The following TTC7A variants were observed in gnomAD, a reference collection of about 807,000 sequenced individuals.
TTC7A encodes tetratricopeptide repeat protein 7A.
A neutral mutation model predicts 103.7 loss-of-function variants in TTC7A; 110 were observed. The ratio of observed to expected loss-of-function variants is 1.06; its 90% CI spans 0.91 to 1.24. The LOEUF (loss-of-function observed/expected upper bound fraction) is 1.24. Ranked by LOEUF, TTC7A falls within the 50% of genes most tolerant of loss-of-function variation. The pLI, the probability that TTC7A is intolerant of heterozygous loss-of-function variation, is 0.00. For missense variants in TTC7A, 1,340 were observed against 1,116.3 expected (o/e 1.20, Z -2.86); for synonymous variants, 521 against 467.9 (o/e 1.11, Z -1.47).
At chr2:46,940,866 AT>A (rs1670271451), upstream of TTC7A, among the ~76,000 whole-genome samples, 1 of 151,810 alleles carries the variant, frequency 6.6e-6, no homozygotes, top group African/African-American at 2.4e-5. This position sits in a 1 kb window ranked among gnomAD's most constrained non-coding sequence, Gnocchi z 4.7. Context: ...GCCTCTCCCC[AT>A]TTTTGTGACG....
At chr2:47,010,490 G>A (rs998121231) in intron 10 of TTC7A, among the ~76,000 whole-genome samples, 3 of 152,082 alleles carry the variant, frequency 2.0e-5, no homozygotes, top group Non-Finnish European at 4.4e-5. Flanking sequence ...TCTGGCTGTG[G>A]CTGCCCCGCC....
At chr2:46,997,774 G>A (rs1412954841) in intron 8 of TTC7A, among the ~76,000 whole-genome samples, 2 of 152,164 alleles carry the variant, frequency 1.3e-5, no homozygotes, top group African/African-American at 4.8e-5. Flanking sequence ...GGTGAGGATG[G>A]TCATAATTTT....
At position 47,073,748 on chromosome 2, in the gene TTC7A, T is replaced by C. The variant is rs1182655046; in HGVS notation, c.2402T>C (p.Val801Ala). The C allele has an allele frequency of 1.2e-6, 2 of 1,613,588 alleles. No individual in the cohort carries two copies. Among genetic ancestry groups the C allele is most frequent in the Non-Finnish European group, 1.7e-6 (2 of 1,180,016 alleles). The change falls in exon 20 of 20, where the codon GTG (valine) becomes GCG (alanine). Residue 801 changes from valine to alanine, a missense_variant. Val to Ala is a moderately conservative substitution (Grantham distance 64). Coordinates refer to ENST00000319190, the MANE Select transcript of TTC7A (RefSeq NM_020458.4). ...GGCCACAAGAGCTTGGCCCAGAAGG[T>C]GCTTCGTGATGCCGTGGAGAGGCAG... ...RLGHKSLAQK[V>A]LRDAVERQST...
chr2:46,963,662 G>A (rs889208930), intron 3 of TTC7A, among the ~76,000 whole-genome samples: 7 of 152,224 alleles, frequency 4.6e-5, no homozygotes, highest in Non-Finnish European at 8.8e-5. Flanking sequence ...ACAAAAAGGA[G>A]GGACTGGATA....
At chr2:47,022,256 C>T (rs974916418) in intron 12 of TTC7A, among the ~76,000 whole-genome samples, 1 of 152,230 alleles carries the variant, frequency 6.6e-6, no homozygotes, top group Non-Finnish European at 1.5e-5. Flanking sequence ...AGCCACAGCT[C>T]CAGCAAAGCC....
intron 19 of TTC7A, among the ~76,000 whole-genome samples, chr2:47,072,851 C>G (rs1558655540): frequency 6.6e-6 from 1 of 152,222 alleles, no homozygotes; most frequent in Non-Finnish European, 1.5e-5. Flanking sequence ...GTCCACCCTA[C>G]CCACTTCCCA....
At chr2:46,918,239 TG>T (rs752152535) in intron 2 of TTC7A, among the ~76,000 whole-genome samples, 10 of 152,244 alleles carry the variant, frequency 6.6e-5, no homozygotes, top group Non-Finnish European at 1.5e-4. Flanking sequence ...CTCATTCTGT[TG>T]TTCAAGCTAA....
chr2:47,005,005 C>T (rs569584162), intron 8 of TTC7A, among the ~76,000 whole-genome samples: 35 of 152,212 alleles, frequency 2.3e-4, no homozygotes, highest in African/African-American at 8.2e-4. Flanking sequence ...TGAGGAGCTC[C>T]CCTCTTGGAA....
chr2:46,995,687 C>G (rs1283697678), intron 8 of TTC7A, among the ~76,000 whole-genome samples: 1 of 152,210 alleles, frequency 6.6e-6, no homozygotes, highest in African/African-American at 2.4e-5. Flanking sequence ...TGTAATATAA[C>G]AATACTCACA....
chr2:46,998,377 T>TG (rs1558556939), intron 8 of TTC7A, among the ~76,000 whole-genome samples: 2 of 152,178 alleles, frequency 1.3e-5, no homozygotes, highest in Non-Finnish European at 2.9e-5. Context: ...CTCCTGCCTT[T>TG]GTTTTAAATT....
intron 2 of TTC7A, among the ~76,000 whole-genome samples, chr2:46,934,207 A>G (rs903962631): frequency 2.6e-5 from 4 of 152,242 alleles, no homozygotes; most frequent in African/African-American, 7.2e-5. Flanking sequence ...AAAGTTGTAA[A>G]TAACTTCACT....
chr2:47,014,818 G>C (rs1323861605), intron 11 of TTC7A, among the ~76,000 whole-genome samples: 1 of 152,254 alleles, frequency 6.6e-6, no homozygotes, highest in Non-Finnish European at 1.5e-5. Flanking sequence ...TTTGGAAAAC[G>C]AGTTGTGCTG....
chr2:46,964,276 G>A (rs982728777), intron 3 of TTC7A, among the ~76,000 whole-genome samples: 2 of 152,224 alleles, frequency 1.3e-5, no homozygotes, highest in African/African-American at 2.4e-5. Context: ...AGGCCAAAGG[G>A]AAGCCCCGGG....
chr2:47,050,150 C>T (rs1682734811), intron 17 of TTC7A, 104 bp downstream of exon 17: 1 of 970,276 alleles, frequency 1.0e-6, no homozygotes, highest in Non-Finnish European at 1.6e-6. Context: ...CCCAGCCGGG[C>T]CAAGCCCACC....
chr2:46,975,754 A>T (rs149416728), intron 4 of TTC7A, among the ~76,000 whole-genome samples: 9 of 150,728 alleles, frequency 6.0e-5, no homozygotes, highest in East Asian at 2.0e-4. Context: ...TATTTTTTAG[A>T]TGGAGTCTTG....
At chr2:46,984,674 T>C (rs1674824529) in intron 5 of TTC7A, among the ~76,000 whole-genome samples, 1 of 152,082 alleles carries the variant, frequency 6.6e-6, no homozygotes, top group South Asian at 2.1e-4. Context: ...GTGGCAGTCA[T>C]GCTTTGCTTC....
intron 19 of TTC7A, among the ~76,000 whole-genome samples, chr2:47,066,296 C>T (rs531214754): frequency 2.6e-5 from 4 of 152,218 alleles, no homozygotes; most frequent in African/African-American, 9.6e-5. Context: ...GGTATGGCCT[C>T]AGAGCCTCTC....
chr2:47,053,660 C>T (rs568367895), intron 18 of TTC7A, among the ~76,000 whole-genome samples: 12 of 152,230 alleles, frequency 7.9e-5, no homozygotes, highest in Middle Eastern at 3.4e-3. Context: ...CAACCTCCAC[C>T]TCCCAGGTTC....
intron 5 of TTC7A, among the ~76,000 whole-genome samples, chr2:46,990,913 G>A (rs1013931577): frequency 2.6e-5 from 4 of 151,852 alleles, no homozygotes; most frequent in Non-Finnish European, 5.9e-5. Flanking sequence ...CCCAGGGGTT[G>A]GTTGGTTGGT....
Sources: gnomAD v4.1 joint callset for allele counts (sites outside exome capture counted in the v4.1 genomes callset) on GRCh38, gnomAD v4.1.1 for gene constraint, Gnocchi (gnomAD v3.1) non-coding constraint, MANE v1.5 for transcripts, NCBI Gene and HGNC (gene_info 2026-07-23, HGNC 2026-07-21) for gene names.